The following ZPLD1 variants were observed in gnomAD, a reference collection of about 807,000 sequenced individuals.
ZPLD1 encodes zona pellucida like domain containing 1, also known as zona pellucida-like domain-containing protein 1.
A neutral mutation model predicts 47.2 loss-of-function variants in ZPLD1; 34 were observed. That is an observed-to-expected ratio of 0.72 (90% confidence interval 0.55 to 0.96). ZPLD1 has a LOEUF of 0.96. Among genes scored for constraint, ZPLD1 ranks in the 40% least tolerant of loss-of-function variants. The pLI is 0.00. For missense variants in ZPLD1, 512 were observed against 505.8 expected, an observed-to-expected ratio of 1.01 and a Z score of -0.12; for synonymous variants, 176 against 186.2, an observed-to-expected ratio of 0.95 and a Z score of 0.45.
At chr3:102,397,095 G>C (rs1706566562) in intron 7 of ZPLD1, among the ~76,000 whole-genome samples, 1 of 152,078 alleles carries the variant, frequency 6.6e-6, no homozygotes, top group Non-Finnish European at 1.5e-5. Context: ...GCTTATGTTA[G>C]TTGCTTTTGA....
chr3:102,468,172 C>T (rs981660620), intron 8 of ZPLD1, among the ~76,000 whole-genome samples: 5 of 152,050 alleles, frequency 3.3e-5, no homozygotes, highest in Admixed American at 6.5e-5. Flanking sequence ...CCATACATTT[C>T]GCTGATGTAG....
intron 8 of ZPLD1, among the ~76,000 whole-genome samples, chr3:102,422,329 G>C (rs957030531): frequency 6.6e-6 from 1 of 152,008 alleles, no homozygotes; most frequent in Non-Finnish European, 1.5e-5. Flanking sequence ...ATTTTGGGGT[G>C]TCATGACTTG....
intron 7 of ZPLD1, among the ~76,000 whole-genome samples, chr3:102,413,012 G>T (rs553395248): frequency 6.6e-6 from 1 of 151,758 alleles, no homozygotes; most frequent in African/African-American, 2.4e-5. Context: ...AAAATTTGAA[G>T]CCTATAATGA....
chr3:102,440,731 GAAAAAAA>G (rs77649810), intron 3 of ZPLD1, among the ~76,000 whole-genome samples: 1 of 112,870 alleles, frequency 8.9e-6, no homozygotes, highest in African/African-American at 3.2e-5. Flanking sequence ...TTGTGATTGG[GAAAAAAA>G]AAAAAAAAAA....
chr3:102,472,781 C>G (rs1707704734), intron 10 of ZPLD1, among the ~76,000 whole-genome samples: 1 of 152,202 alleles, frequency 6.6e-6, no homozygotes. Flanking sequence ...GGGTAGATGG[C>G]TTTTCCTCCT....
chr3:102,416,579 C>A (rs1203924773), intron 7 of ZPLD1, among the ~76,000 whole-genome samples: 1 of 151,822 alleles, frequency 6.6e-6, no homozygotes, highest in Non-Finnish European at 1.5e-5. Context: ...TTACTGTCAA[C>A]ATAATTAGGA....
rs538382076 is a variant in ZPLD1 at position 102,405,559 on chromosome 3, G to T, written c.-156-12501G>T. Among the ~76,000 whole-genome samples the T allele has an allele frequency of 5.9e-5, 9 of 152,076 alleles. No homozygotes were observed. The South Asian group carries it at 1.9e-3, about 31-fold the overall frequency. ...GGAACAGGTCCACCTCTTCCAGGTGGCTTTGAATTCAAATGCATGAATGTA... is the reference window on the plus strand; with the variant it reads ...GGAACAGGTCCACCTCTTCCAGGTGTCTTTGAATTCAAATGCATGAATGTA... On this transcript the variant is annotated intron_variant, in intron 7 of 17. Transcript: ENST00000491959.
rs72942858 is a variant in ZPLD1, at chr3:102,457,790, G to C, written c.519G>C (p.Ala173=). The C allele has an allele frequency of 1.2e-6, 2 of 1,613,788 alleles. No homozygotes were observed. Among genetic ancestry groups the C allele is most frequent in the Non-Finnish European group, 1.7e-6 (2 of 1,179,876 alleles). ...VNNTQLASSS[A]AISVRENNGT... ...TCTAAATGTGTTTTAGGTCCTCAGC[G>C]GCTATTTCTGTGAGAGAGAACAATG... Residue 173 remains alanine, a synonymous_variant, in exon 6 of 12, where the codon GCG becomes GCC. Transcript: ENST00000466937.
Position 102,465,954 on chromosome 3 carries a change from C to T in ZPLD1, c.761+1703C>T, listed in dbSNP as rs1057062849. Among the ~76,000 whole-genome samples, 104 of 152,056 alleles carry T rather than the reference C, an allele frequency of 6.8e-4. 3 individuals carry two copies. Among genetic ancestry groups the T allele is most frequent in the Admixed American group, 6.8e-3 (103 of 15,256 alleles). Reference sequence around the variant, plus strand: ...TCCCAGAAGCAGCTGGAGAAATACACACCTAGAAGGAAAGGGCACTACTTT... The same window carrying T: ...TCCCAGAAGCAGCTGGAGAAATACATACCTAGAAGGAAAGGGCACTACTTT... On this transcript the variant is annotated intron_variant, in intron 8 of 11. Coordinates refer to ENST00000466937, the MANE Select transcript of ZPLD1 (RefSeq NM_001329788.2).
At chr3:102,422,651 A>T (rs1168290017) in intron 8 of ZPLD1, among the ~76,000 whole-genome samples, 1 of 151,952 alleles carries the variant, frequency 6.6e-6, no homozygotes, top group East Asian at 1.9e-4. Flanking sequence ...GTCTTTGTGG[A>T]GGGTTGGTGG....
chr3:102,419,631 A>T (rs1706852422), intron 8 of ZPLD1, among the ~76,000 whole-genome samples: 1 of 146,962 alleles, frequency 6.8e-6, no homozygotes, highest in Non-Finnish European at 1.5e-5. Context: ...GTAATAAACG[A>T]CTGATTTTTT....
rs548357486 is a variant in ZPLD1 at position 102,473,004 on chromosome 3, C to T, written c.1042+2502C>T. 1.1e-4 allele frequency among the ~76,000 whole-genome samples: 17 copies of T among 152,210 alleles called. 1 individual carries two copies. The highest frequency in any genetic ancestry group is 9.7e-4 in the East Asian group (5 of 5,176). On this transcript the variant is annotated intron_variant, in intron 10 of 11. Transcript: ENST00000466937. The stretch of plus-strand genomic sequence containing the variant: ...GCAGAAGGCAAAGGAAGAGCAAAGT[C>T]GTATCTTAAATGGTGGCAGGCAAGA...
chr3:102,456,430 C>T (rs1453373842), intron 5 of ZPLD1, 56 bp downstream of exon 5: 5 of 1,495,160 alleles, frequency 3.3e-6, no homozygotes, highest in Middle Eastern at 1.8e-4. Context: ...TCAGGCATTT[C>T]GTATCTTTCA....
chr3:102,409,507 T>C (rs969833877), intron 7 of ZPLD1, among the ~76,000 whole-genome samples: 3 of 151,838 alleles, frequency 2.0e-5, no homozygotes, highest in African/African-American at 7.2e-5. Flanking sequence ...GTAGGAATTA[T>C]ACAAAATAAA....
chr3:102,396,589 T>C (rs868702700), intron 7 of ZPLD1, among the ~76,000 whole-genome samples: 1 of 152,108 alleles, frequency 6.6e-6, no homozygotes, highest in African/African-American at 2.4e-5. Context: ...GTGGTAATAC[T>C]GTGAATAATA....
chr3:102,467,418 A>C (rs185230622), intron 8 of ZPLD1, among the ~76,000 whole-genome samples: 1 of 152,162 alleles, frequency 6.6e-6, no homozygotes, highest in African/African-American at 2.4e-5. Context: ...GTTCTATCAG[A>C]TATCACAATC....
At chr3:102,435,332 G>A (rs1184697923) in intron 1 of ZPLD1, among the ~76,000 whole-genome samples, 178 bp downstream of exon 1, 2 of 152,132 alleles carry the variant, frequency 1.3e-5, no homozygotes, top group South Asian at 4.1e-4. Context: ...CTTGCCTAAT[G>A]TGCCTTAATA....
chr3:102,452,580 T>A (rs575342345), intron 3 of ZPLD1, among the ~76,000 whole-genome samples: 5 of 152,308 alleles, frequency 3.3e-5, no homozygotes, highest in African/African-American at 1.2e-4. Flanking sequence ...TTGCTCTAGG[T>A]CTGAATTTCC....
At position 102,469,044 on chromosome 3, in the gene ZPLD1, T is replaced by A. The variant is rs1217113930; in HGVS notation, c.842T>A (p.Phe281Tyr). 6.2e-7 allele frequency: 1 copy of A among 1,614,176 alleles called. No individual in the cohort carries two copies. Among genetic ancestry groups the A allele is most frequent in the Non-Finnish European group, 8.5e-7 (1 of 1,180,014 alleles). ...RGRFSFEVFR[F>Y]VKHKNQKMST... Reference sequence around the variant, plus strand: ...CGGTTTTCTTTTGAAGTGTTCCGATTTGTGAAACACAAGAATCAGAAAATG... The same window carrying A: ...CGGTTTTCTTTTGAAGTGTTCCGATATGTGAAACACAAGAATCAGAAAATG... Residue 281 changes from phenylalanine to tyrosine, a missense_variant, in exon 9 of 12, where the codon TTT becomes TAT. Phe to Tyr is a conservative substitution (Grantham distance 22). Coordinates refer to ENST00000466937, the MANE Select transcript of ZPLD1 (RefSeq NM_001329788.2).
Sources: allele counts gnomAD v4.1 joint callset (sites outside exome capture counted in the v4.1 genomes callset), GRCh38; gene constraint gnomAD v4.1.1; transcripts MANE v1.5; gene names NCBI Gene and HGNC (gene_info 2026-07-23, HGNC 2026-07-21).